PEX14: variants seen among roughly 807,000 people sequenced by gnomAD.
PEX14 encodes peroxisomal biogenesis factor 14.
A neutral mutation model predicts 49.5 loss-of-function variants in PEX14; 15 were observed. The ratio of observed to expected loss-of-function variants is 0.30; its 90% CI spans 0.20 to 0.47. The LOEUF is 0.47. Among genes scored for constraint, PEX14 ranks in the 20% least tolerant of loss-of-function variants. The probability of loss-of-function intolerance (pLI) is 1.00; values close to 1 mark genes in which losing one functional copy is unlikely to be tolerated. For synonymous variants in PEX14, 210 were observed against 212.7 expected (o/e 0.99, Z 0.11); for missense variants, 398 against 494.8 (o/e 0.80, Z 1.86).
chr1:10,616,995 G>A (rs1267224406), intron 4 of PEX14: 2 of 152,062 alleles, frequency 1.3e-5, no homozygotes, highest in South Asian at 2.1e-4. Context: ...AGGGGACCAC[G>A]AGGTCGCCTA....
intron 4 of PEX14, among the ~76,000 whole-genome samples, chr1:10,607,600 C>G (rs1171250923): frequency 6.6e-6 from 1 of 152,146 alleles, no homozygotes; most frequent in East Asian, 1.9e-4. Flanking sequence ...ATGCTGGTAT[C>G]TCATGGTGGT....
intron 2 of PEX14, among the ~76,000 whole-genome samples, chr1:10,497,148 T>C (rs1280124426): frequency 2.0e-5 from 3 of 152,146 alleles, no homozygotes; most frequent in Admixed American, 2.0e-4. Context: ...CCCTTATTGC[T>C]TTTGGCCAAG....
Position 10,545,795 on chromosome 1 carries a change from A to G in PEX14, c.169+9498A>G, listed in dbSNP as rs111525615. Among the ~76,000 whole-genome samples the G allele has an allele frequency of 5.7e-3, 861 of 151,876 alleles. 7 individuals are homozygous for G. The highest frequency in any genetic ancestry group is 0.02 in the African/African-American group (813 of 41,448). On this transcript the variant is annotated intron_variant, in intron 3 of 8. Transcript: ENST00000356607. The stretch of plus-strand genomic sequence containing the variant: ...GCGGTGGCTCAAGCCTGTAATCCCA[A>G]CACTTTGGGAGACTGAGACAGAAGG...
chr1:10,550,139 A>G (rs1197792913), intron 3 of PEX14, among the ~76,000 whole-genome samples: 2 of 152,180 alleles, frequency 1.3e-5, no homozygotes, highest in African/African-American at 2.4e-5. Flanking sequence ...GTGCTGTGAG[A>G]GAGAATAATG....
intron 3 of PEX14, among the ~76,000 whole-genome samples, chr1:10,551,506 T>G (rs1325896702): frequency 6.6e-6 from 1 of 152,166 alleles, no homozygotes; most frequent in Non-Finnish European, 1.5e-5. Context: ...GCTTGGAGAT[T>G]CTTTAGAGGT....
Position 10,514,345 on chromosome 1 carries a change from C to T in PEX14, c.84+19024C>T, listed in dbSNP as rs771383733. Among the ~76,000 whole-genome samples the T allele has an allele frequency of 3.9e-5, 6 of 152,108 alleles. No individual in the cohort carries two copies. Among genetic ancestry groups the T allele is most frequent in the Non-Finnish European group, 7.4e-5 (5 of 68,024 alleles). The stretch of plus-strand genomic sequence containing the variant: ...GTGTGTATGTGCGAGCGCCTGTGTA[C>T]GCACGTGGTCGTCACCCGCCAGAAA... On this transcript the variant is annotated intron_variant, in intron 2 of 8. Transcript: ENST00000356607. This position sits in a 1 kb window ranked among gnomAD's most constrained non-coding sequence, Gnocchi z 4.4.
chr1:10,588,390 G>T (rs906691376), intron 3 of PEX14, among the ~76,000 whole-genome samples: 5 of 152,098 alleles, frequency 3.3e-5, no homozygotes, highest in Non-Finnish European at 5.9e-5. Flanking sequence ...TGCCCCTGGA[G>T]GATGTAACAG....
chr1:10,536,553 A>G (rs1638810655), intron 3 of PEX14: 2 of 497,578 alleles, frequency 4.0e-6, no homozygotes, highest in East Asian at 3.7e-5. Flanking sequence ...GGCAGCATTC[A>G]GTAGCAGAGT....
chr1:10,527,532 A>G (rs1383169143), intron 2 of PEX14, among the ~76,000 whole-genome samples: 1 of 149,546 alleles, frequency 6.7e-6, no homozygotes, highest in Admixed American at 6.7e-5. Context: ...AAAAAAAAAG[A>G]AAAAATTTGT....
chr1:10,545,730 CA>C (rs1219760042), intron 3 of PEX14, among the ~76,000 whole-genome samples: 1 of 152,108 alleles, frequency 6.6e-6, no homozygotes, highest in African/African-American at 2.4e-5. Flanking sequence ...ATATTTACTG[CA>C]AAAAATTCTT....
chr1:10,523,760 C>T (rs902295725), intron 2 of PEX14, among the ~76,000 whole-genome samples: 1 of 147,860 alleles, frequency 6.8e-6, no homozygotes, highest in East Asian at 2.0e-4. Flanking sequence ...AGACTATTAT[C>T]GATATTCTAG....
chr1:10,480,239 C>G (rs1295740025), intron 1 of PEX14, among the ~76,000 whole-genome samples: 2 of 150,784 alleles, frequency 1.3e-5, no homozygotes, highest in Non-Finnish European at 2.9e-5. Context: ...GAGATGGAGT[C>G]TCCCTCTGTT....
intron 4 of PEX14, among the ~76,000 whole-genome samples, chr1:10,603,694 A>T (rs1319931507): frequency 1.3e-5 from 2 of 152,342 alleles, no homozygotes; most frequent in East Asian, 3.9e-4. Flanking sequence ...ATGCTGGTTG[A>T]TTGATTCACG....
intron 3 of PEX14, among the ~76,000 whole-genome samples, chr1:10,543,366 T>C (rs1317584884): frequency 6.6e-6 from 1 of 152,016 alleles, no homozygotes; most frequent in African/African-American, 2.4e-5. Flanking sequence ...GAACTCCTGA[T>C]CTCATGATTC....
intron 2 of PEX14, among the ~76,000 whole-genome samples, chr1:10,523,938 TACTC>T (rs1638384837): frequency 6.6e-6 from 1 of 151,416 alleles, no homozygotes; most frequent in East Asian, 1.9e-4. Context: ...ATATAAAAAA[TACTC>T]AATAAAAGCT....
intron 3 of PEX14, among the ~76,000 whole-genome samples, chr1:10,567,737 C>T (rs1639848862): frequency 6.6e-6 from 1 of 152,108 alleles, no homozygotes; most frequent in Non-Finnish European, 1.5e-5. Context: ...TCAAGTGATC[C>T]GCCTGCCTCA....
chr1:10,608,699 A>G (rs1194568261), intron 4 of PEX14, among the ~76,000 whole-genome samples: 1 of 151,936 alleles, frequency 6.6e-6, no homozygotes, highest in Non-Finnish European at 1.5e-5. Context: ...AACTGACTAT[A>G]TATGAATGGG....
At chr1:10,569,340 G>A (rs552982418) in intron 3 of PEX14, among the ~76,000 whole-genome samples, 252 of 152,070 alleles carry the variant, frequency 1.7e-3, no homozygotes, top group Non-Finnish European at 2.8e-3. Flanking sequence ...ACTTATCACT[G>A]ATTAATCCTC....
rs2124401126 is a variant in PEX14 at position 10,494,864 on chromosome 1, T to C, written c.37-410T>C. On this transcript the variant is annotated intron_variant, in intron 1 of 8. Transcript: ENST00000356607. This position sits in a 1 kb window ranked among gnomAD's most constrained non-coding sequence, Gnocchi z 4.3. ...ATCTGGTTCTCCACTGCTGCGCGAC[T>C]TTTCTTCCCAGTCCCCTGACGTTGG... Among the ~76,000 whole-genome samples, 1 of 152,246 alleles carries C rather than the reference T, an allele frequency of 6.6e-6. No homozygotes were observed. Among genetic ancestry groups the C allele is most frequent in the South Asian group, 2.1e-4 (1 of 4,824 alleles).
Sources: gnomAD v4.1 joint callset for allele counts (sites outside exome capture counted in the v4.1 genomes callset) on GRCh38, gnomAD v4.1.1 for gene constraint, Gnocchi (gnomAD v3.1) non-coding constraint, MANE v1.5 for transcripts, NCBI Gene and HGNC (gene_info 2026-07-23, HGNC 2026-07-21) for gene names.